MUC7: variants seen among roughly 807,000 people sequenced by gnomAD.
MUC7 encodes the protein mucin-7.
MUC7 carries 2 observed loss-of-function variants against 2.5 expected under a neutral mutation model. The observed-to-expected ratio is 0.81, with a 90% confidence interval of 0.33 to 2.55. The LOEUF (loss-of-function observed/expected upper bound fraction) is 2.55. Ranked by LOEUF, MUC7 falls within the 30% of genes most tolerant of loss-of-function variation. The pLI, the probability that MUC7 is intolerant of heterozygous loss-of-function variation, is 0.11. For missense variants in MUC7, 408 were observed against 455.6 expected (o/e 0.90, Z 0.95); for synonymous variants, 133 against 173.4 (o/e 0.77, Z 1.83).
intron 1 of MUC7, among the ~76,000 whole-genome samples, chr4:70,457,207 C>A (rs1734436322): frequency 6.6e-6 from 1 of 152,074 alleles, no homozygotes; most frequent in African/African-American, 2.4e-5. Flanking sequence ...CTTTGGGAAG[C>A]CAAGGGGGGA....
intron 1 of MUC7, among the ~76,000 whole-genome samples, chr4:70,432,367 G>T (rs914819357): frequency 6.6e-6 from 1 of 152,198 alleles, no homozygotes; most frequent in Non-Finnish European, 1.5e-5. Context: ...CCCACCAACA[G>T]TGTAAAAGTG....
At chr4:70,447,454 T>A (rs1734173840) in intron 1 of MUC7, among the ~76,000 whole-genome samples, 1 of 152,184 alleles carries the variant, frequency 6.6e-6, no homozygotes, top group South Asian at 2.1e-4. Flanking sequence ...ATGGTTTTAT[T>A]CCTTCCAATC....
chr4:70,462,997 G>GAATA (rs1734596020), intron 1 of MUC7, among the ~76,000 whole-genome samples: 1 of 151,248 alleles, frequency 6.6e-6, no homozygotes, highest in Admixed American at 6.6e-5. Flanking sequence ...ATGAATGAAT[G>GAATA]AATAAGTAAA....
At chr4:70,433,359 T>G (rs1425428649) in intron 1 of MUC7, among the ~76,000 whole-genome samples, 1 of 152,176 alleles carries the variant, frequency 6.6e-6, no homozygotes, top group African/African-American at 2.4e-5. Flanking sequence ...TTCCTACCCA[T>G]GAGCATGGAA....
At chr4:70,452,553 C>CA (rs1734304849) in intron 1 of MUC7, among the ~76,000 whole-genome samples, 1 of 56,754 alleles carries the variant, frequency 1.8e-5, no homozygotes, top group Non-Finnish European at 4.2e-5. Context: ...GAACAAAAAA[C>CA]AAAAACAAAA....
chr4:70,475,107 C>T (rs41436548), intron 2 of MUC7, among the ~76,000 whole-genome samples: 32 of 152,010 alleles, frequency 2.1e-4, no homozygotes, highest in South Asian at 4.2e-4. Context: ...GGTGAAACCC[C>T]GTCTCTATTA....
chr4:70,460,422 G>T (rs1235528915), intron 1 of MUC7, among the ~76,000 whole-genome samples: 1 of 152,018 alleles, frequency 6.6e-6, no homozygotes, highest in Non-Finnish European at 1.5e-5. Context: ...AAAGGTGATG[G>T]GGCCTCAGGA....
At chr4:70,468,087 C>A (rs967904547), upstream of MUC7, among the ~76,000 whole-genome samples, 1 of 152,170 alleles carries the variant, frequency 6.6e-6, no homozygotes, top group Non-Finnish European at 1.5e-5. Context: ...CCCCGGGATG[C>A]AAGGCTGGTT....
chr4:70,463,205 A>G (rs1253434105), intron 1 of MUC7, among the ~76,000 whole-genome samples: 6 of 152,022 alleles, frequency 3.9e-5, no homozygotes, highest in Non-Finnish European at 2.9e-5. Context: ...ACCACAAAAA[A>G]AAATCCTAAA....
chr4:70,449,378 G>T (rs1198866705), intron 1 of MUC7, among the ~76,000 whole-genome samples: 1 of 151,992 alleles, frequency 6.6e-6, no homozygotes, highest in Non-Finnish European at 1.5e-5. Flanking sequence ...CAACCGAAAG[G>T]GGTTTCCCCT....
rs1299367691 is a variant in MUC7, at chr4:70,481,721, C to T, written c.977C>T (p.Ser326Leu). Residue 326 changes from serine to leucine, a missense_variant, in exon 3 of 3, where the codon TCA (serine) becomes TTA (leucine). By Grantham distance (145) the Ser-to-Leu change is moderately radical. This residue lies in a region of MUC7 where 175 missense variants were observed against 187.1 expected (regional missense o/e 0.94). Transcript: ENST00000304887. ...CTTGCACCTGACACTTCTGAAACTT[C>T]AGCTGCACCCACACACCAGACTACT... The part of the protein sequence containing the change: ...TTLAPDTSET[S>L]AAPTHQTTTS... 1.9e-6 allele frequency: 3 copies of T among 1,614,232 alleles called. No homozygotes were observed. The highest frequency in any genetic ancestry group is 3.3e-5 in the Admixed American group (2 of 60,024).
chr4:70,453,687 T>C (rs1300402310), intron 1 of MUC7, among the ~76,000 whole-genome samples: 1 of 152,090 alleles, frequency 6.6e-6, no homozygotes, highest in Non-Finnish European at 1.5e-5. Context: ...TTTTCTCAAG[T>C]AGAAGGAGTC....
chr4:70,479,052 C>T (rs1322167362), intron 2 of MUC7, among the ~76,000 whole-genome samples: 1 of 152,152 alleles, frequency 6.6e-6, no homozygotes, highest in East Asian at 1.9e-4. Context: ...ATGTCCAGAT[C>T]TTAGAGGAAC....
chr4:70,455,499 T>C (rs555472260), intron 1 of MUC7, among the ~76,000 whole-genome samples: 1 of 152,340 alleles, frequency 6.6e-6, no homozygotes, highest in South Asian at 2.1e-4. Context: ...ATCACCCTGT[T>C]TGCAATTCTT....
intron 1 of MUC7, among the ~76,000 whole-genome samples, chr4:70,463,887 A>G (rs958669788): frequency 9.3e-4 from 141 of 152,192 alleles, no homozygotes; most frequent in African/African-American, 3.3e-3. Context: ...AACTGAGATG[A>G]CTGTTCTATG....
chr4:70,481,132 A>T lies in MUC7; in HGVS notation c.388A>T (p.Thr130Ser), dbSNP rs758601119. ...CAAAATTACTACCCTTCCAAATGTG[A>T]CTTTTCTTCCCCAGAATGCCACCAC... ...STKITTLPNV[T>S]FLPQNATTIS... The change falls in exon 3 of 3, where the codon ACT (threonine) becomes TCT (serine). Residue 130 changes from threonine to serine, a missense_variant. Transcript: ENST00000304887. 1 of 1,614,176 alleles carries T rather than the reference A, an allele frequency of 6.2e-7. No homozygotes were observed. The highest frequency in any genetic ancestry group is 1.7e-5 in the Admixed American group (1 of 60,022).
At chr4:70,472,655 A>G (rs1008988604) in intron 1 of MUC7, among the ~76,000 whole-genome samples, 8 of 152,192 alleles carry the variant, frequency 5.3e-5, no homozygotes, top group Non-Finnish European at 1.2e-4. Flanking sequence ...TTTGTAATAT[A>G]TATATTATTC....
chr4:70,433,918 A>C (rs1444012006), intron 1 of MUC7, among the ~76,000 whole-genome samples: 1 of 152,218 alleles, frequency 6.6e-6, no homozygotes, highest in African/African-American at 2.4e-5. Context: ...TAGTTTACTG[A>C]GAGTTTTTAG....
intron 2 of MUC7, among the ~76,000 whole-genome samples, chr4:70,479,241 CT>C (rs1735098201): frequency 6.6e-6 from 1 of 152,168 alleles, no homozygotes; most frequent in Admixed American, 6.5e-5. Flanking sequence ...TCTATGACCT[CT>C]TTGCTTTGAA....
Sources: allele counts gnomAD v4.1 joint callset (sites outside exome capture counted in the v4.1 genomes callset), GRCh38; gene constraint gnomAD v4.1.1; regional missense constraint gnomAD v4.1.1; transcripts MANE v1.5; gene names NCBI Gene and HGNC (gene_info 2026-07-23, HGNC 2026-07-21).